The following ATP6V1H variants were observed in gnomAD, a reference collection of about 807,000 sequenced individuals.
ATP6V1H encodes the protein ATPase H+ transporting V1 subunit H, also known as V-type proton ATPase subunit H.
Under a neutral mutation model 71.7 loss-of-function variants are expected in ATP6V1H, and 39 were observed. That is an observed-to-expected ratio of 0.54 (90% CI 0.42 to 0.71). ATP6V1H has a LOEUF of 0.71. Ranked by LOEUF, ATP6V1H falls within the 30% of genes least tolerant of loss-of-function variation. The pLI is 0.00. For missense variants in ATP6V1H, 509 were observed against 594.9 expected, an observed-to-expected ratio of 0.86 and a Z score of 1.50; for synonymous variants, 192 against 199.3, an observed-to-expected ratio of 0.96 and a Z score of 0.31.
chr8:53,780,938 CATT>C (rs1442389299), intron 9 of ATP6V1H, among the ~76,000 whole-genome samples: 2 of 152,170 alleles, frequency 1.3e-5, no homozygotes, highest in Non-Finnish European at 2.9e-5. Flanking sequence ...TCCAGTCTAT[CATT>C]GTTGGACATC....
At chr8:53,754,819 C>T (rs899905283) in intron 12 of ATP6V1H, among the ~76,000 whole-genome samples, 1 of 152,156 alleles carries the variant, frequency 6.6e-6, no homozygotes, top group Non-Finnish European at 1.5e-5. Flanking sequence ...GGATGATAAA[C>T]CTTAGGAGTC....
At chr8:53,780,912 T>A (rs1271771061) in intron 9 of ATP6V1H, among the ~76,000 whole-genome samples, 1 of 152,238 alleles carries the variant, frequency 6.6e-6, no homozygotes, top group African/African-American at 2.4e-5. Context: ...GGTGTATATG[T>A]GCCACATTTT....
chr8:53,785,330 T>C (rs1430777297), intron 9 of ATP6V1H, among the ~76,000 whole-genome samples: 1 of 152,232 alleles, frequency 6.6e-6, no homozygotes, highest in African/African-American at 2.4e-5. Context: ...TTGATCACAT[T>C]GACTACTGAG....
intron 9 of ATP6V1H, among the ~76,000 whole-genome samples, chr8:53,794,139 A>T (rs1330142508): frequency 6.6e-6 from 1 of 152,190 alleles, no homozygotes; most frequent in Non-Finnish European, 1.5e-5. Flanking sequence ...TAAAAAAAAT[A>T]CTGAATATCC....
intron 7 of ATP6V1H, among the ~76,000 whole-genome samples, chr8:53,808,236 A>C (rs1810155403): frequency 6.6e-6 from 1 of 152,252 alleles, no homozygotes; most frequent in Non-Finnish European, 1.5e-5. Context: ...GGTTCTTTCT[A>C]AATCTTCCAA....
intron 2 of ATP6V1H, among the ~76,000 whole-genome samples, chr8:53,836,080 G>A (rs558675964): frequency 6.6e-6 from 1 of 152,182 alleles, no homozygotes; most frequent in African/African-American, 2.4e-5. Context: ...AGCACTTCAC[G>A]TACCGGTCAG....
intron 4 of ATP6V1H, among the ~76,000 whole-genome samples, chr8:53,827,646 C>T (rs1197354454): frequency 5.3e-5 from 8 of 151,366 alleles, no homozygotes; most frequent in Non-Finnish European, 1.2e-4. Context: ...GTACATGTGC[C>T]GGTGTGTTAT....
At chr8:53,834,491 T>C (rs975467029) in intron 2 of ATP6V1H, among the ~76,000 whole-genome samples, 1 of 152,188 alleles carries the variant, frequency 6.6e-6, no homozygotes, top group Non-Finnish European at 1.5e-5. Context: ...AGTGGCACGA[T>C]CTCAGCTCAA....
intron 9 of ATP6V1H, among the ~76,000 whole-genome samples, chr8:53,788,109 T>A (rs561329636): frequency 1.3e-5 from 2 of 152,364 alleles, no homozygotes; most frequent in African/African-American, 4.8e-5. Context: ...ACTATGTCTT[T>A]ATCAATGGCT....
At chr8:53,732,559 G>C (rs1807059008) in intron 13 of ATP6V1H, among the ~76,000 whole-genome samples, 1 of 151,432 alleles carries the variant, frequency 6.6e-6, no homozygotes, top group Admixed American at 6.6e-5. Flanking sequence ...ACAGGGGTCA[G>C]AGCCAGTGTA....
chr8:53,806,573 T>C (rs1172713390), intron 7 of ATP6V1H, among the ~76,000 whole-genome samples: 3 of 152,042 alleles, frequency 2.0e-5, no homozygotes, highest in East Asian at 3.8e-4. Flanking sequence ...AGAAAAAAAA[T>C]TGTCAGCATA....
At chr8:53,726,154 TCAA>T (rs977653499) in intron 13 of ATP6V1H, among the ~76,000 whole-genome samples, 1 of 152,210 alleles carries the variant, frequency 6.6e-6, no homozygotes, top group African/African-American at 2.4e-5. Context: ...AAGAACACTT[TCAA>T]CAACAGTAAA....
intron 12 of ATP6V1H, among the ~76,000 whole-genome samples, chr8:53,746,229 T>C (rs1205144374): frequency 6.6e-6 from 1 of 152,156 alleles, no homozygotes; most frequent in African/African-American, 2.4e-5. Flanking sequence ...AATAAAATTT[T>C]GAAAAGCTTT....
intron 5 of ATP6V1H, among the ~76,000 whole-genome samples, chr8:53,815,222 C>A (rs188931958): frequency 6.6e-6 from 1 of 152,278 alleles, no homozygotes; most frequent in East Asian, 1.9e-4. Flanking sequence ...GGATAATATA[C>A]ATCCTAGGTA....
rs1806407075 is a variant in ATP6V1H at position 53,715,907 on chromosome 8, C to T, written c.*57G>A. 6.7e-7 allele frequency: 1 copy of T among 1,491,754 alleles called. No individual in the cohort carries two copies. The highest frequency in any genetic ancestry group is 1.4e-5 in the African/African-American group (1 of 72,424). 92.4% of individuals were successfully genotyped at this position (1,491,754 alleles called of 1,614,324 possible). A position where few individuals can be genotyped will look rare whatever the true frequency, so the allele number is the denominator to read the frequency against. ...AACAGTGTTCACTCTTAACTCTAAA[C>T]ACAGTGCTCCCACTACTGGTTCTGC... On this transcript the variant is annotated 3_prime_UTR_variant, in exon 14 of 14. Transcript: ENST00000359530.
intron 9 of ATP6V1H, among the ~76,000 whole-genome samples, chr8:53,780,768 C>G (rs1385920586): frequency 6.6e-6 from 1 of 152,096 alleles, no homozygotes; most frequent in Non-Finnish European, 1.5e-5. Context: ...TCAATTCCCA[C>G]CTATGAGTGA....
intron 13 of ATP6V1H, among the ~76,000 whole-genome samples, chr8:53,723,473 A>G (rs1806697290): frequency 6.6e-6 from 1 of 152,236 alleles, no homozygotes; most frequent in Admixed American, 6.5e-5. Flanking sequence ...TGGCCTTGCT[A>G]AAATGACACT....
At chr8:53,735,248 A>C (rs995345277) in intron 13 of ATP6V1H, among the ~76,000 whole-genome samples, 8 of 152,304 alleles carry the variant, frequency 5.3e-5, no homozygotes, top group Non-Finnish European at 7.4e-5. Context: ...TATCCAATAC[A>C]AACTGAAAAA....
intron 4 of ATP6V1H, among the ~76,000 whole-genome samples, chr8:53,819,531 C>CAA (rs1286824275): frequency 4.8e-5 from 1 of 20,810 alleles, no homozygotes; most frequent in African/African-American, 1.7e-4. Flanking sequence ...GAATCTATCT[C>CAA]AAAAAAAAAA....
Sources: gnomAD v4.1 joint callset for allele counts (sites outside exome capture counted in the v4.1 genomes callset) on GRCh38, gnomAD v4.1.1 for gene constraint, MANE v1.5 for transcripts, NCBI Gene and HGNC (gene_info 2026-07-23, HGNC 2026-07-21) for gene names.